The following SUCLG2 variants were observed in gnomAD, a reference collection of about 807,000 sequenced individuals.
The protein encoded by SUCLG2 is succinate-CoA ligase GDP-forming subunit beta.
SUCLG2 carries 42 observed loss-of-function variants against 47.9 expected under a neutral mutation model. That is an observed-to-expected ratio of 0.88 (90% CI 0.69 to 1.14). The LOEUF is 1.14. SUCLG2 is among the 50% of genes most tolerant of loss of function. The probability of loss-of-function intolerance (pLI) is 0.00; values close to 1 mark genes in which losing one functional copy is unlikely to be tolerated. For missense variants in SUCLG2, 571 were observed against 525.9 expected, an observed-to-expected ratio of 1.09 and a Z score of -0.84; for synonymous variants, 195 against 197.3, an observed-to-expected ratio of 0.99 and a Z score of 0.10.
intron 2 of SUCLG2, among the ~76,000 whole-genome samples, chr3:67,598,966 C>T (rs1708355750): frequency 6.6e-6 from 1 of 152,196 alleles, no homozygotes; most frequent in South Asian, 2.1e-4. Context: ...TTCTCAAAGA[C>T]ATCACTGAAG....
intron 2 of SUCLG2, among the ~76,000 whole-genome samples, chr3:67,550,237 C>A (rs982659655): frequency 1.3e-5 from 2 of 152,254 alleles, no homozygotes; most frequent in Non-Finnish European, 2.9e-5. Context: ...GTCATTGACT[C>A]CTTTCGTGAA....
At chr3:67,408,956 C>T (rs1422595812) in intron 9 of SUCLG2, 1 of 1,534,642 alleles carries the variant, frequency 6.5e-7, no homozygotes, top group Admixed American at 2.0e-5. Context: ...CCATATTGGT[C>T]CTATTTCCAA....
At chr3:67,542,765 A>T (rs1485753823) in intron 2 of SUCLG2, among the ~76,000 whole-genome samples, 2 of 152,208 alleles carry the variant, frequency 1.3e-5, no homozygotes, top group African/African-American at 2.4e-5. Flanking sequence ...TGCAACAAGA[A>T]GAGCTAACCA....
At chr3:67,506,429 TAA>T (rs948597528) in intron 7 of SUCLG2, among the ~76,000 whole-genome samples, 7 of 152,188 alleles carry the variant, frequency 4.6e-5, no homozygotes, top group African/African-American at 1.4e-4. Context: ...AAATATCACA[TAA>T]GACTTATGTT....
At chr3:67,402,657 G>T (rs946545795) in intron 9 of SUCLG2, among the ~76,000 whole-genome samples, 7 of 152,172 alleles carry the variant, frequency 4.6e-5, no homozygotes, top group African/African-American at 1.7e-4. Context: ...GACTCCATGG[G>T]GTCCATGATA....
intron 2 of SUCLG2, among the ~76,000 whole-genome samples, chr3:67,535,116 C>A (rs1003131589): frequency 2.2e-4 from 33 of 152,130 alleles, no homozygotes; most frequent in African/African-American, 7.7e-4. Context: ...AGTATTTCTA[C>A]TGTATTATGT....
chr3:67,424,747 C>T (rs1313777032), intron 9 of SUCLG2, among the ~76,000 whole-genome samples: 1 of 152,120 alleles, frequency 6.6e-6, no homozygotes, highest in Non-Finnish European at 1.5e-5. Flanking sequence ...ATTCTCACTA[C>T]TGCTGCTTGA....
intron 9 of SUCLG2, among the ~76,000 whole-genome samples, chr3:67,442,210 C>T (rs948015010): frequency 2.0e-5 from 3 of 151,688 alleles, no homozygotes; most frequent in African/African-American, 7.3e-5. Flanking sequence ...CGGGGTTTCA[C>T]CGTTTTAGCC....
intron 9 of SUCLG2, among the ~76,000 whole-genome samples, chr3:67,429,711 C>T (rs749863857): frequency 6.6e-6 from 1 of 152,088 alleles, no homozygotes; most frequent in Non-Finnish European, 1.5e-5. Context: ...ATCCATCTCA[C>T]GTGCAGGGAC....
At chr3:67,410,201 G>T (rs901149615) in intron 9 of SUCLG2, among the ~76,000 whole-genome samples, 2 of 152,174 alleles carry the variant, frequency 1.3e-5, no homozygotes, top group Non-Finnish European at 2.9e-5. Context: ...TCTTTACAAA[G>T]ATGCTAATCA....
intron 10 of SUCLG2, among the ~76,000 whole-genome samples, chr3:67,366,279 G>C (rs909471800): frequency 7.9e-5 from 12 of 152,102 alleles, no homozygotes; most frequent in African/African-American, 2.9e-4. Flanking sequence ...GGCTAACACA[G>C]TGATACCCTA....
chr3:67,395,028 A>C (rs1047684151), intron 10 of SUCLG2, among the ~76,000 whole-genome samples: 4 of 152,188 alleles, frequency 2.6e-5, no homozygotes, highest in African/African-American at 9.7e-5. Context: ...GGAAGCACTA[A>C]ACATGGAAAG....
At chr3:67,640,876 A>G (rs1240823350) in intron 1 of SUCLG2, among the ~76,000 whole-genome samples, 2 of 152,222 alleles carry the variant, frequency 1.3e-5, no homozygotes, top group Non-Finnish European at 2.9e-5. Context: ...ATTACCAAAG[A>G]TCAGCTGAAT....
chr3:67,393,738 CCT>C (rs1702451545), intron 10 of SUCLG2, among the ~76,000 whole-genome samples: 1 of 152,224 alleles, frequency 6.6e-6, no homozygotes, highest in Non-Finnish European at 1.5e-5. Flanking sequence ...GTCCCTGACC[CCT>C]GACCCCTGAG....
chr3:67,514,487 C>A (rs1192904935), intron 6 of SUCLG2, among the ~76,000 whole-genome samples: 4 of 152,198 alleles, frequency 2.6e-5, no homozygotes, highest in African/African-American at 4.8e-5. Flanking sequence ...CAAACCACTT[C>A]AAGAGGTGTT....
chr3:67,642,156 A>T (rs1329181719), intron 1 of SUCLG2, among the ~76,000 whole-genome samples: 1 of 152,210 alleles, frequency 6.6e-6, no homozygotes, highest in Non-Finnish European at 1.5e-5. Flanking sequence ...GTTAGATTTC[A>T]ACATAGGAAT....
At chr3:67,429,343 G>C (rs931251918) in intron 9 of SUCLG2, among the ~76,000 whole-genome samples, 4 of 152,096 alleles carry the variant, frequency 2.6e-5, no homozygotes, top group Non-Finnish European at 5.9e-5. Flanking sequence ...TTCATATCCA[G>C]CCAAACTAAG....
At chr3:67,420,746 TACAC>T (rs10575720) in intron 9 of SUCLG2, among the ~76,000 whole-genome samples, 3 of 152,036 alleles carry the variant, frequency 2.0e-5, no homozygotes. Flanking sequence ...AAGGAATAGA[TACAC>T]ACACACAAAG....
At chr3:67,584,008 C>A (rs936239368) in intron 2 of SUCLG2, among the ~76,000 whole-genome samples, 1 of 152,120 alleles carries the variant, frequency 6.6e-6, no homozygotes, top group Non-Finnish European at 1.5e-5. Context: ...TTCAAGGGCA[C>A]AAAACTAGGG....
Sources: gnomAD v4.1 joint callset for allele counts (sites outside exome capture counted in the v4.1 genomes callset) on GRCh38, gnomAD v4.1.1 for gene constraint, MANE v1.5 for transcripts, NCBI Gene and HGNC (gene_info 2026-07-23, HGNC 2026-07-21) for gene names.